PAK1: variants seen among roughly 807,000 people sequenced by gnomAD.
PAK1 encodes the protein serine/threonine-protein kinase PAK 1.
In PAK1, 29 loss-of-function variants were observed where a neutral mutation model predicts 67.4. The ratio of observed to expected loss-of-function variants is 0.43; its 90% CI spans 0.32 to 0.59. The LOEUF is 0.59. Among genes scored for constraint, PAK1 ranks in the 20% least tolerant of loss-of-function variants. The pLI, the probability that PAK1 is intolerant of heterozygous loss-of-function variation, is 0.07. For missense variants in PAK1, 337 were observed against 670.7 expected (o/e 0.50, Z 5.50); for synonymous variants, 223 against 237.4 (o/e 0.94, Z 0.56).
At chr11:77,457,363 T>C (rs1379710243) in intron 1 of PAK1, among the ~76,000 whole-genome samples, 1 of 152,228 alleles carries the variant, frequency 6.6e-6, no homozygotes, top group African/African-American at 2.4e-5. Context: ...TCTGTTTCCA[T>C]GGTTTCAAAA....
Position 77,340,038 on chromosome 11 carries a change from G to A in PAK1, c.1116+608C>T, listed in dbSNP as rs181188732. 3.6e-4 allele frequency among the ~76,000 whole-genome samples: 55 copies of A among 152,164 alleles called. 1 individual carries two copies. The highest frequency in any genetic ancestry group is 1.1e-3 in the African/African-American group (46 of 41,524). ...GGGCTTTTCTTCCTCCTACATCAGC[G>A]TATTATCAATTCTAGACATTTAATA... On this transcript the variant is annotated intron_variant, in intron 11 of 14. Coordinates refer to ENST00000356341, the MANE Select transcript of PAK1 (RefSeq NM_002576.5).
chr11:77,368,777 C>T (rs1162008984), intron 5 of PAK1, among the ~76,000 whole-genome samples: 1 of 152,096 alleles, frequency 6.6e-6, no homozygotes, highest in Non-Finnish European at 1.5e-5. Context: ...TTGCCTCGGC[C>T]TCCTGAGTAG....
chr11:77,361,598 G>C (rs906111336), intron 5 of PAK1, among the ~76,000 whole-genome samples: 2 of 152,036 alleles, frequency 1.3e-5, no homozygotes, highest in Non-Finnish European at 2.9e-5. Context: ...TTATTAAGAT[G>C]TTTCTCACAA....
At chr11:77,383,323 T>TA (rs1387214688) in intron 2 of PAK1, among the ~76,000 whole-genome samples, 1 of 143,818 alleles carries the variant, frequency 7.0e-6, no homozygotes, top group East Asian at 2.0e-4. Context: ...ACTGTGTAAT[T>TA]TTTTTTTTTT....
intron 1 of PAK1, among the ~76,000 whole-genome samples, chr11:77,422,600 A>C (rs1565691868): frequency 6.6e-6 from 1 of 151,564 alleles, no homozygotes; most frequent in Non-Finnish European, 1.5e-5. Context: ...TCAAATCCCT[A>C]ATCAATATCC....
At chr11:77,435,792 G>A (rs996201065) in intron 1 of PAK1, among the ~76,000 whole-genome samples, 1 of 150,964 alleles carries the variant, frequency 6.6e-6, no homozygotes, top group Non-Finnish European at 1.5e-5. Flanking sequence ...ATAGGCGTAA[G>A]CCACTGCGCC....
At chr11:77,330,003 G>C (rs1041085204) in intron 14 of PAK1, among the ~76,000 whole-genome samples, 3 of 151,894 alleles carry the variant, frequency 2.0e-5, no homozygotes, top group Non-Finnish European at 2.9e-5. Flanking sequence ...GACAAACAGA[G>C]AGCCAAATCA....
intron 2 of PAK1, among the ~76,000 whole-genome samples, chr11:77,390,654 G>T (rs1951010950): frequency 6.9e-6 from 1 of 144,602 alleles, no homozygotes; most frequent in Non-Finnish European, 1.5e-5. Context: ...ACGCCACCAT[G>T]CCCGACTCCT....
intron 14 of PAK1, chr11:77,325,329 A>G: frequency 6.2e-7 from 1 of 1,613,880 alleles, no homozygotes; most frequent in Non-Finnish European, 8.5e-7. Context: ...GCTACTTACC[A>G]GCTATCATGG....
chr11:77,434,659 A>G, intron 1 of PAK1, among the ~76,000 whole-genome samples: 1 of 151,378 alleles, frequency 6.6e-6, no homozygotes, highest in Non-Finnish European at 1.5e-5. Context: ...TCACTCTATT[A>G]CCAGGCTGGA....
the PAK1 span, among the ~76,000 whole-genome samples, chr11:77,511,909 T>C: frequency 6.6e-6 from 1 of 150,948 alleles, no homozygotes; most frequent in Non-Finnish European, 1.5e-5. Context: ...AAGGAAGGGG[T>C]TGGGGGGCGT....
At chr11:77,333,535 T>C (rs771216508) in intron 13 of PAK1, among the ~76,000 whole-genome samples, 13 of 152,184 alleles carry the variant, frequency 8.5e-5, no homozygotes, top group Non-Finnish European at 1.5e-4. Flanking sequence ...AAGGGTTTAT[T>C]ATCCATTTAG....
chr11:77,470,249 TAA>T (rs1957787375), intron 1 of PAK1, among the ~76,000 whole-genome samples: 1 of 152,218 alleles, frequency 6.6e-6, no homozygotes, highest in South Asian at 2.1e-4. Flanking sequence ...TAAAATTTTT[TAA>T]AAGTCTGCCT....
chr11:77,529,224 T>C, the PAK1 span, among the ~76,000 whole-genome samples: 1 of 152,246 alleles, frequency 6.6e-6, no homozygotes, highest in East Asian at 1.9e-4. Flanking sequence ...CTTATTTTCC[T>C]AAGACTATCA....
intron 4 of PAK1, among the ~76,000 whole-genome samples, chr11:77,376,591 G>C (rs1346714052): frequency 6.6e-6 from 1 of 151,924 alleles, no homozygotes; most frequent in African/African-American, 2.4e-5. Context: ...ACAAAAATTA[G>C]CCAGGCATAG....
chr11:77,411,744 T>C (rs1205493854), intron 1 of PAK1: 1 of 152,300 alleles, frequency 6.6e-6, no homozygotes, highest in Non-Finnish European at 1.5e-5. Context: ...CCGGCCCAGC[T>C]AGGGGAGCCC....
chr11:77,489,794 C>T, the PAK1 span, among the ~76,000 whole-genome samples: 7 of 151,962 alleles, frequency 4.6e-5, no homozygotes, highest in Non-Finnish European at 8.8e-5. Flanking sequence ...GATCTCGGCT[C>T]GCTACAACCT....
At chr11:77,332,280 C>T (rs1941727495) in intron 14 of PAK1, among the ~76,000 whole-genome samples, 1 of 95,946 alleles carries the variant, frequency 1.0e-5, no homozygotes, top group African/African-American at 4.0e-5. Context: ...CCATTGCACA[C>T]TCCTGCCTGG....
rs1285749665 is a variant in PAK1 at position 77,355,732 on chromosome 11, G to A, written c.708C>T (p.Thr236=). Residue 236 remains threonine, a synonymous_variant, in exon 7 of 15, where the codon ACC becomes ACT. Coordinates refer to ENST00000356341, the MANE Select transcript of PAK1 (RefSeq NM_002576.5). ...ENNTTPPDAL[T]RNTEKQKKKP... Reference sequence around the variant, plus strand: ...TCTTCTTCTGCTTCTCAGTATTCCGGGTCAAAGCATCTGGTGGAGTGGTGT... The same window carrying A: ...TCTTCTTCTGCTTCTCAGTATTCCGAGTCAAAGCATCTGGTGGAGTGGTGT... 16 of 1,613,262 alleles carry A rather than the reference G, an allele frequency of 9.9e-6. No individual in the cohort carries two copies. The African/African-American group carries it at 1.7e-4, about 18-fold the overall frequency.
Sources: gnomAD v4.1 joint callset for allele counts (sites outside exome capture counted in the v4.1 genomes callset) on GRCh38, gnomAD v4.1.1 for gene constraint, MANE v1.5 for transcripts, NCBI Gene and HGNC (gene_info 2026-07-23, HGNC 2026-07-21) for gene names.